Variants in HMGCS2 observed in about 807,000 individuals in gnomAD.
HMGCS2 encodes hydroxymethylglutaryl-CoA synthase, mitochondrial.
HMGCS2 carries 50 observed loss-of-function variants against 57.4 expected under a neutral mutation model. The observed-to-expected ratio is 0.87, with a 90% confidence interval of 0.69 to 1.10. The LOEUF is 1.10. HMGCS2 is among the 50% of genes least tolerant of loss of function. HMGCS2 has a pLI of 0.00. For synonymous variants in HMGCS2, 254 were observed against 245.1 expected, an observed-to-expected ratio of 1.04 and a Z score of -0.34; for missense variants, 627 against 636.5, an observed-to-expected ratio of 0.99 and a Z score of 0.16.
Position 119,757,363 on chromosome 1 carries a change from T to C in HMGCS2, c.926A>G (p.Gln309Arg). The part of the protein sequence containing the change: ...IFHTPFCKMV[Q>R]KSLARLMFND... The stretch of plus-strand genomic sequence containing the variant: ...GAACATCAGGCGAGCCAGAGACTTC[T>C]GGACCATCTTGCAAAAGGGTGTATG... The change falls in exon 5 of 10, where the codon CAG (glutamine) becomes CGG (arginine). Residue 309 changes from glutamine to arginine, a missense_variant. By Grantham distance (43) the Gln-to-Arg change is conservative. Coordinates refer to ENST00000369406, the MANE Select transcript of HMGCS2 (RefSeq NM_005518.4). 1 of 1,614,228 alleles carries C rather than the reference T, an allele frequency of 6.2e-7. No individual in the cohort carries two copies. The highest frequency in any genetic ancestry group is 8.5e-7 in the Non-Finnish European group (1 of 1,180,032).
At chr1:119,764,792 T>A (rs1249189073) in intron 1 of HMGCS2, among the ~76,000 whole-genome samples, 166 bp from the exon 2 acceptor site, 7 of 152,268 alleles carry the variant, frequency 4.6e-5, no homozygotes, top group Admixed American at 6.5e-5. Flanking sequence ...TTGACCCTTC[T>A]ATACTTATTA....
intron 2 of HMGCS2, among the ~76,000 whole-genome samples, chr1:119,763,370 G>A (rs1016099567): frequency 1.3e-5 from 2 of 152,064 alleles, no homozygotes; most frequent in African/African-American, 4.8e-5. Context: ...CTTAACTACT[G>A]CCAACATACT....
chr1:119,764,154 G>T lies in HMGCS2; in HGVS notation c.559+18C>A. On this transcript the variant is annotated intron_variant, in intron 2 of 9. Transcript: ENST00000369406. ...AATTCCAGCACCTTTCTTACATAAGGTTCGTGGCCGTACATACCATCCCAG... is the reference window on the plus strand; with the variant it reads ...AATTCCAGCACCTTTCTTACATAAGTTTCGTGGCCGTACATACCATCCCAG... 1.2e-6 allele frequency: 2 copies of T among 1,608,824 alleles called. No homozygotes were observed. The highest frequency in any genetic ancestry group is 1.1e-5 in the South Asian group (1 of 90,936).
At chr1:119,767,321 C>T (rs190083421) in intron 1 of HMGCS2, among the ~76,000 whole-genome samples, 146 of 152,182 alleles carry the variant, frequency 9.6e-4, no homozygotes, top group Admixed American at 2.4e-3. Flanking sequence ...TGGAAGAGAC[C>T]GCATTTGAGG....
chr1:119,750,289 C>T (rs1652606318), intron 9 of HMGCS2, among the ~76,000 whole-genome samples: 3 of 152,206 alleles, frequency 2.0e-5, no homozygotes. Context: ...TGTTGCTCAT[C>T]AGATCTGTTG....
At chr1:119,763,999 C>T (rs1653124858) in intron 2 of HMGCS2, among the ~76,000 whole-genome samples, 173 bp downstream of exon 2, 1 of 152,182 alleles carries the variant, frequency 6.6e-6, no homozygotes, top group African/African-American at 2.4e-5. Context: ...TGCTACCTAA[C>T]TGTAAAGCTA....
intron 2 of HMGCS2, among the ~76,000 whole-genome samples, chr1:119,762,705 G>A (rs775636787): frequency 6.6e-6 from 1 of 152,176 alleles, no homozygotes; most frequent in Non-Finnish European, 1.5e-5. Flanking sequence ...CCAGGCTCAA[G>A]CTTAGCTGTT....
rs760743623 is a variant in HMGCS2 at position 119,752,688 on chromosome 1, G to C, written c.1295-14C>G. ...CCAGGGGAGAGCCTGGGAAGCAAAA[G>C]CAAGATTGTTACACCTTTTTCATTG... On this transcript the variant is annotated splice_polypyrimidine_tract_variant and intron_variant, in intron 7 of 9. Coordinates refer to ENST00000369406, the MANE Select transcript of HMGCS2 (RefSeq NM_005518.4). 1 of 1,613,900 alleles carries C rather than the reference G, an allele frequency of 6.2e-7. No individual in the cohort carries two copies. Among genetic ancestry groups the C allele is most frequent in the South Asian group, 1.1e-5 (1 of 91,070 alleles).
chr1:119,768,597 G>C (rs1196596329), intron 1 of HMGCS2, 144 bp downstream of exon 1: 3 of 693,288 alleles, frequency 4.3e-6, no homozygotes, highest in Admixed American at 2.0e-5. Flanking sequence ...AGGTAACTGA[G>C]ACCCTTTAAA....
chr1:119,756,678 T>C (rs893504894), intron 5 of HMGCS2, among the ~76,000 whole-genome samples: 5 of 152,224 alleles, frequency 3.3e-5, no homozygotes, highest in Admixed American at 6.5e-5. Context: ...TTCTTTCTGC[T>C]TTTTCACATC....
In HMGCS2 at chr1:119,768,886, G is replaced by A. The variant is rs781631836; in HGVS notation, c.-42C>T. On this transcript the variant is annotated 5_prime_UTR_variant, in exon 1 of 10. Transcript: ENST00000369406. Reference sequence around the variant, plus strand: ...AGAAACCCAGCAGTTCAGAAACCCAGCAGAAACCTTGAAAGAGATGCCCAG... The same window carrying A: ...AGAAACCCAGCAGTTCAGAAACCCAACAGAAACCTTGAAAGAGATGCCCAG... The A allele has an allele frequency of 6.8e-7, 1 of 1,460,062 alleles. No individual in the cohort carries two copies. The highest frequency in any genetic ancestry group is 9.6e-7 in the Non-Finnish European group (1 of 1,042,246). The allele number at this position is 1,460,062 out of a possible 1,614,324, so 90.4% of individuals were successfully genotyped here.
chr1:119,759,675 C>G (rs927233465), intron 3 of HMGCS2, among the ~76,000 whole-genome samples, 189 bp downstream of exon 3: 3 of 152,212 alleles, frequency 2.0e-5, no homozygotes, highest in African/African-American at 7.2e-5. Context: ...AGAGAGGAAG[C>G]CTCGCGGATT....
At chr1:119,759,825 A>AT (rs1287238621) in intron 3 of HMGCS2, 39 bp downstream of exon 3, 3 of 1,610,522 alleles carry the variant, frequency 1.9e-6, no homozygotes, top group Non-Finnish European at 2.5e-6. Flanking sequence ...GTTCTTGGCT[A>AT]TGCCATGCAC....
intron 2 of HMGCS2, 92 bp from the exon 3 acceptor site, chr1:119,760,081 G>A (rs1178180397): frequency 1.8e-6 from 2 of 1,127,632 alleles, no homozygotes; most frequent in African/African-American, 1.5e-5. Flanking sequence ...CTAGGTCCTG[G>A]ATATAGAGTG....
At position 119,764,533 on chromosome 1, in the gene HMGCS2, T is replaced by C. The variant is rs749941890; in HGVS notation, c.198A>G (p.Gln66=). Reference sequence around the variant, plus strand: ...TCTCCAGGTCAGTTTGGTCCACATATTGGGCTGGGAAGTAGACCTCCAGGG... The same window carrying C: ...TCTCCAGGTCAGTTTGGTCCACATACTGGGCTGGGAAGTAGACCTCCAGGG... The part of the protein sequence containing the change: ...ILALEVYFPA[Q]YVDQTDLEKY... The change falls in exon 2 of 10, where the codon CAA becomes CAG. Residue 66 remains glutamine, a synonymous_variant. Transcript: ENST00000369406. 6.8e-6 allele frequency: 11 copies of C among 1,613,932 alleles called. No homozygotes were observed. The highest frequency in any genetic ancestry group is 2.7e-5 in the African/African-American group (2 of 74,932).
intron 9 of HMGCS2, among the ~76,000 whole-genome samples, chr1:119,750,155 C>A (rs1190090948): frequency 6.6e-6 from 1 of 152,190 alleles, no homozygotes; most frequent in Non-Finnish European, 1.5e-5. Context: ...TAGCCTAAAA[C>A]TCCCTCCAGC....
chr1:119,760,619 G>A (rs941572886), intron 2 of HMGCS2, among the ~76,000 whole-genome samples: 2 of 152,180 alleles, frequency 1.3e-5, no homozygotes, highest in Non-Finnish European at 2.9e-5. Context: ...ATGATCCGTA[G>A]TCACTAACTT....
intron 4 of HMGCS2, among the ~76,000 whole-genome samples, chr1:119,758,531 C>T (rs1445359568): frequency 2.6e-5 from 4 of 152,194 alleles, no homozygotes; most frequent in Non-Finnish European, 5.9e-5. Flanking sequence ...AGCCACCACT[C>T]CCTGCTTTTC....
At chr1:119,750,714 T>G in intron 9 of HMGCS2, 83 bp downstream of exon 9, 1 of 852,210 alleles carries the variant, frequency 1.2e-6, no homozygotes, top group South Asian at 1.4e-5. Flanking sequence ...TCCCTGCACC[T>G]GTCCCCACCT....
Sources: gnomAD v4.1 joint callset for allele counts (sites outside exome capture counted in the v4.1 genomes callset) on GRCh38, gnomAD v4.1.1 for gene constraint, MANE v1.5 for transcripts, NCBI Gene and HGNC (gene_info 2026-07-23, HGNC 2026-07-21) for gene names.